Variants in PRELID2 observed in about 807,000 individuals in gnomAD.
PRELID2 encodes PRELI domain-containing protein 2.
Under a neutral mutation model 28.4 loss-of-function variants are expected in PRELID2, and 25 were observed. The observed-to-expected ratio is 0.88, with a 90% CI of 0.64 to 1.23. The LOEUF (loss-of-function observed/expected upper bound fraction) is 1.23. PRELID2 is among the 50% of genes most tolerant of loss of function. The pLI, the probability that PRELID2 is intolerant of heterozygous loss-of-function variation, is 0.00. For missense variants in PRELID2, 201 were observed against 214.4 expected (o/e 0.94, Z 0.39); for synonymous variants, 76 against 71.6 (o/e 1.06, Z -0.31).
At chr5:145,414,224 G>A in the PRELID2 span, among the ~76,000 whole-genome samples, 1 of 152,148 alleles carries the variant, frequency 6.6e-6, no homozygotes, top group Non-Finnish European at 1.5e-5. Context: ...GAAAGAAAGA[G>A]TTATCCACAA....
chr5:145,415,499 C>T, the PRELID2 span, among the ~76,000 whole-genome samples: 1 of 135,270 alleles, frequency 7.4e-6, no homozygotes, highest in Non-Finnish European at 1.5e-5. Flanking sequence ...TCTCATTGTT[C>T]AATTCCCATC....
At chr5:145,458,633 C>G in the PRELID2 span, among the ~76,000 whole-genome samples, 1 of 152,024 alleles carries the variant, frequency 6.6e-6, no homozygotes, top group Admixed American at 6.6e-5. Flanking sequence ...AGGACATCCT[C>G]CAGAAACAAA....
the PRELID2 span, among the ~76,000 whole-genome samples, chr5:145,284,124 T>A: frequency 5.9e-5 from 9 of 152,164 alleles, no homozygotes; most frequent in Non-Finnish European, 1.3e-4. Flanking sequence ...AATAATAATA[T>A]CTTCCTCATG....
intron 1 of PRELID2, among the ~76,000 whole-genome samples, chr5:145,559,836 T>TAAA (rs59361990): frequency 3.2e-4 from 46 of 142,348 alleles, no homozygotes; most frequent in African/African-American, 1.2e-3. Context: ...TAAAAAGAGG[T>TAAA]AAAAAAAAAA....
intron 1 of PRELID2, among the ~76,000 whole-genome samples, chr5:145,735,887 G>A (rs1434853218): frequency 1.3e-5 from 2 of 152,168 alleles, no homozygotes; most frequent in Admixed American, 6.5e-5. Context: ...CAGCATGACC[G>A]ACCACATTGT....
At chr5:145,550,410 C>G (rs1311699807) in intron 1 of PRELID2, among the ~76,000 whole-genome samples, 1 of 152,086 alleles carries the variant, frequency 6.6e-6, no homozygotes, top group African/African-American at 2.4e-5. Flanking sequence ...TATTTTTAAG[C>G]ACTTAAAAAT....
intron 1 of PRELID2, chr5:145,728,802 C>G: frequency 9.2e-7 from 1 of 1,084,816 alleles, no homozygotes. Flanking sequence ...GTTGTACGTT[C>G]CAATCATAAA....
At chr5:145,548,083 A>T (rs2126678458) in intron 1 of PRELID2, among the ~76,000 whole-genome samples, 1 of 152,346 alleles carries the variant, frequency 6.6e-6, no homozygotes, top group Admixed American at 6.5e-5. Context: ...AAGCTAAGAG[A>T]AAGCACAAAT....
chr5:145,429,012 C>G, the PRELID2 span, among the ~76,000 whole-genome samples: 1 of 151,988 alleles, frequency 6.6e-6, no homozygotes, highest in Non-Finnish European at 1.5e-5. Flanking sequence ...GCCTTGGAAG[C>G]CTTTGTAAAT....
At chr5:145,408,522 T>C in the PRELID2 span, among the ~76,000 whole-genome samples, 1 of 147,744 alleles carries the variant, frequency 6.8e-6, no homozygotes, top group Non-Finnish European at 1.5e-5. Flanking sequence ...TAAATAGATA[T>C]ATTAAAGAAA....
At chr5:145,560,953 C>T (rs1752920399) in intron 1 of PRELID2, among the ~76,000 whole-genome samples, 1 of 151,946 alleles carries the variant, frequency 6.6e-6, no homozygotes, top group African/African-American at 2.4e-5. Context: ...ATCCCGACCT[C>T]ATTTCCATGA....
chr5:145,250,490 C>A, the PRELID2 span, among the ~76,000 whole-genome samples: 1 of 151,968 alleles, frequency 6.6e-6, no homozygotes, highest in Non-Finnish European at 1.5e-5. Context: ...GACCAACTTG[C>A]GATCAAATCA....
chr5:145,568,778 T>C (rs1431275907), intron 1 of PRELID2, among the ~76,000 whole-genome samples: 1 of 152,210 alleles, frequency 6.6e-6, no homozygotes. Flanking sequence ...GGGCAGCCAA[T>C]CATTTCCTGC....
At chr5:145,728,973 A>G (rs72492432) in intron 1 of PRELID2, 24,491 of 764,122 alleles carry the variant, frequency 0.032, 722 homozygotes, top group South Asian at 0.087. Context: ...ACCTTTAGAC[A>G]CAATCTGAGG....
Position 145,756,684 on chromosome 5 carries a change from C to T in PRELID2, c.*3852G>A, listed in dbSNP as rs1757266553. The stretch of plus-strand genomic sequence containing the variant: ...GAGTTGAGCCACTGAAATAATGTCA[C>T]CAAGTCAATGTAGCAAAGTACATTC... On this transcript the variant is annotated 3_prime_UTR_variant, in exon 7 of 7. Transcript: ENST00000683046. Among the ~76,000 whole-genome samples the T allele has an allele frequency of 6.6e-6, 1 of 152,160 alleles. No individual in the cohort carries two copies.
At chr5:145,508,261 T>C (rs111471116) in intron 1 of PRELID2, among the ~76,000 whole-genome samples, 21 of 101,716 alleles carry the variant, frequency 2.1e-4, no homozygotes, top group African/African-American at 6.9e-4. Flanking sequence ...CATAGACAGA[T>C]AGATAGATAG....
chr5:145,600,413 AG>A (rs199718324), intron 1 of PRELID2, among the ~76,000 whole-genome samples: 1 of 118,558 alleles, frequency 8.4e-6, no homozygotes, highest in Non-Finnish European at 1.7e-5. Flanking sequence ...AGCTTCTCTC[AG>A]GGGGGGAAAA....
intron 1 of PRELID2, among the ~76,000 whole-genome samples, chr5:145,547,072 A>G (rs1392618371): frequency 6.6e-6 from 1 of 152,206 alleles, no homozygotes; most frequent in Non-Finnish European, 1.5e-5. Context: ...TATTATATGT[A>G]TACCTCAAGA....
At chr5:145,371,931 T>A in the PRELID2 span, among the ~76,000 whole-genome samples, 9 of 150,938 alleles carry the variant, frequency 6.0e-5, no homozygotes, top group East Asian at 1.4e-3. Flanking sequence ...TTTTGGAGAG[T>A]TTTTTGTGTC....
Sources: allele counts gnomAD v4.1 joint callset (sites outside exome capture counted in the v4.1 genomes callset), GRCh38; gene constraint gnomAD v4.1.1; transcripts MANE v1.5; gene names NCBI Gene and HGNC (gene_info 2026-07-23, HGNC 2026-07-21).